The following MEI4 variants were observed in gnomAD, a reference collection of about 807,000 sequenced individuals.
MEI4 encodes meiotic double-stranded break formation protein 4, also known as meiosis-specific protein MEI4.
MEI4 carries 27 observed loss-of-function variants against 31.4 expected under a neutral mutation model. The ratio of observed to expected loss-of-function variants is 0.86; its 90% CI spans 0.63 to 1.19. The LOEUF is 1.19. MEI4 is among the 50% of genes most tolerant of loss of function. MEI4 has a pLI of 0.00. For missense variants in MEI4, 329 were observed against 398.9 expected (o/e 0.82, Z 1.49); for synonymous variants, 122 against 145.4 (o/e 0.84, Z 1.16).
At chr6:77,714,844 A>T (rs1014890275) in intron 2 of MEI4, among the ~76,000 whole-genome samples, 1 of 152,126 alleles carries the variant, frequency 6.6e-6, no homozygotes, top group African/African-American at 2.4e-5. Flanking sequence ...CACTCATGCA[A>T]TATCAAGTAT....
At chr6:77,652,091 T>C (rs1768308682), upstream of MEI4, among the ~76,000 whole-genome samples, 1 of 152,152 alleles carries the variant, frequency 6.6e-6, no homozygotes, top group Non-Finnish European at 1.5e-5. Context: ...GCTGACAATT[T>C]ATTATAACAA....
intron 2 of MEI4, among the ~76,000 whole-genome samples, chr6:77,705,242 A>G (rs80191381): frequency 6.6e-6 from 1 of 152,292 alleles, no homozygotes; most frequent in East Asian, 1.9e-4. Context: ...CATTTTGGGT[A>G]GGAAATTCAG....
chr6:77,678,408 G>A (rs546013697), intron 1 of MEI4, among the ~76,000 whole-genome samples: 2 of 152,268 alleles, frequency 1.3e-5, no homozygotes, highest in South Asian at 4.1e-4. Flanking sequence ...ATTGGTAGGT[G>A]AAGCATGGAA....
chr6:77,689,118 GAAGAT>G (rs1562206662), intron 1 of MEI4, among the ~76,000 whole-genome samples: 1 of 151,896 alleles, frequency 6.6e-6, no homozygotes, highest in Admixed American at 6.6e-5. Flanking sequence ...ACAAAGAAAT[GAAGAT>G]AAGAGGATAA....
At chr6:77,741,864 G>A (rs941432476) in intron 2 of MEI4, among the ~76,000 whole-genome samples, 3 of 145,962 alleles carry the variant, frequency 2.1e-5, no homozygotes, top group Admixed American at 7.2e-5. Flanking sequence ...GTGAGAACAT[G>A]CGGTGTTTGG....
At chr6:77,895,846 C>T (rs555896103) in intron 4 of MEI4, among the ~76,000 whole-genome samples, 108 of 152,172 alleles carry the variant, frequency 7.1e-4, no homozygotes, top group African/African-American at 2.6e-3. Context: ...TGAGTTAGTC[C>T]TTAGAGAATT....
At chr6:77,743,421 TTGTC>T (rs1767477785) in intron 2 of MEI4, among the ~76,000 whole-genome samples, 1 of 152,178 alleles carries the variant, frequency 6.6e-6, no homozygotes, top group Non-Finnish European at 1.5e-5. Context: ...GGCTCTCTGT[TTGTC>T]TGTTATTGGT....
At chr6:77,743,051 G>C (rs931053969) in intron 2 of MEI4, among the ~76,000 whole-genome samples, 4 of 152,076 alleles carry the variant, frequency 2.6e-5, no homozygotes, top group African/African-American at 9.7e-5. Flanking sequence ...AAGTCAGGTA[G>C]CGTGATGCCT....
rs1417182557 is a variant in MEI4 at position 77,834,373 on chromosome 6, TATTATATATTTATAA to T, written c.900+5321_900+5335del. Among the ~76,000 whole-genome samples, 9 of 147,950 alleles carry T rather than the reference TATTATATATTTATAA, an allele frequency of 6.1e-5. 1 individual carries two copies. The highest frequency in any genetic ancestry group is 3.4e-4 in the Admixed American group (5 of 14,764). On this transcript the variant is annotated intron_variant, in intron 4 of 4. Coordinates refer to ENST00000684080, the MANE Select transcript of MEI4 (RefSeq NM_001322247.2). ...TTTGACTGGTTTCTAGTTCATTTCA[TATTATATATTTATAA>T]ATTATATATAATATAAAATTATATT...
In MEI4 at chr6:77,866,646, A is replaced by G. The variant is rs544790748; in HGVS notation, c.900+37584A>G. On this transcript the variant is annotated intron_variant, in intron 4 of 4. Transcript: ENST00000684080. The stretch of plus-strand genomic sequence containing the variant: ...GAATCAATATTGTGAAAATGGCCAT[A>G]CTGCCCAAAGTAATTTATAGATTCA... Among the ~76,000 whole-genome samples the G allele has an allele frequency of 5.6e-4, 85 of 152,334 alleles. 1 individual carries two copies. The highest frequency in any genetic ancestry group is 2.0e-3 in the African/African-American group (83 of 41,592).
At chr6:77,821,604 T>C (rs1420022319) in intron 3 of MEI4, among the ~76,000 whole-genome samples, 1 of 151,880 alleles carries the variant, frequency 6.6e-6, no homozygotes, top group African/African-American at 2.4e-5. Flanking sequence ...AAGACCTGCC[T>C]GACCAACATG....
At chr6:77,743,733 T>G (rs1226963073) in intron 2 of MEI4, among the ~76,000 whole-genome samples, 12 of 152,296 alleles carry the variant, frequency 7.9e-5, no homozygotes, top group African/African-American at 2.9e-4. Flanking sequence ...AGGGGCAGAC[T>G]GACACCTCAC....
chr6:77,670,734 G>C (rs1020105148), intron 1 of MEI4, among the ~76,000 whole-genome samples: 1 of 152,026 alleles, frequency 6.6e-6, no homozygotes, highest in East Asian at 1.9e-4. Flanking sequence ...TTCTGTTACT[G>C]TATTTAAAAT....
At chr6:77,803,744 C>T (rs1191977769) in intron 3 of MEI4, among the ~76,000 whole-genome samples, 1 of 152,194 alleles carries the variant, frequency 6.6e-6, no homozygotes, top group Non-Finnish European at 1.5e-5. Flanking sequence ...CCACTCCAGA[C>T]CCTGTTTGCC....
chr6:77,888,224 T>A (rs1322938340), intron 4 of MEI4, among the ~76,000 whole-genome samples: 1 of 152,176 alleles, frequency 6.6e-6, no homozygotes, highest in Non-Finnish European at 1.5e-5. Context: ...CCAGGCTATA[T>A]CTCCTAAGTG....
At chr6:77,917,455 TTG>T (rs1252776695) in intron 4 of MEI4, among the ~76,000 whole-genome samples, 1 of 150,624 alleles carries the variant, frequency 6.6e-6, no homozygotes, top group African/African-American at 2.5e-5. Context: ...TTTTTAATGA[TTG>T]CCATTCTAAC....
At chr6:77,780,034 A>G (rs1768552710) in intron 3 of MEI4, among the ~76,000 whole-genome samples, 1 of 152,206 alleles carries the variant, frequency 6.6e-6, no homozygotes, top group African/African-American at 2.4e-5. Flanking sequence ...CAGCTTAAGA[A>G]AAAGCAGAGT....
intron 3 of MEI4, among the ~76,000 whole-genome samples, chr6:77,779,036 G>A (rs552366942): frequency 6.6e-6 from 1 of 152,246 alleles, no homozygotes; most frequent in South Asian, 2.1e-4. Flanking sequence ...GTACTGGCCT[G>A]GAAGTAAATT....
intron 3 of MEI4, among the ~76,000 whole-genome samples, chr6:77,822,074 A>G (rs1353799566): frequency 6.6e-6 from 1 of 151,904 alleles, no homozygotes; most frequent in African/African-American, 2.4e-5. Context: ...ATCTGTTTAT[A>G]TTTTTCTTTT....
Sources: allele counts gnomAD v4.1 joint callset (sites outside exome capture counted in the v4.1 genomes callset), GRCh38; gene constraint gnomAD v4.1.1; transcripts MANE v1.5; gene names NCBI Gene and HGNC (gene_info 2026-07-23, HGNC 2026-07-21).